ALG13: variants seen among roughly 807,000 people sequenced by gnomAD.
The protein encoded by ALG13 is UDP-N-acetylglucosamine transferase subunit ALG13.
A neutral mutation model predicts 87.8 loss-of-function variants in ALG13; 11 were observed. The observed-to-expected ratio is 0.13, with a 90% CI of 0.08 to 0.21. The LOEUF (loss-of-function observed/expected upper bound fraction) is 0.21. Among genes scored for constraint, ALG13 ranks in the 10% least tolerant of loss-of-function variants. The pLI, the probability that ALG13 is intolerant of heterozygous loss-of-function variation, is 1.00. For missense variants in ALG13, 756 were observed against 866.1 expected (o/e 0.87, Z 1.60); for synonymous variants, 320 against 306.3 (o/e 1.04, Z -0.47).
intron 25 of ALG13, among the ~76,000 whole-genome samples, chrX:111,754,244 C>G (rs996459071): frequency 9.0e-6 from 1 of 111,661 alleles, no homozygotes; most frequent in Non-Finnish European, 1.9e-5. Context: ...TAAAAACTCT[C>G]TATAAACTAG....
intron 10 of ALG13, among the ~76,000 whole-genome samples, chrX:111,719,602 T>A (rs1941150376): frequency 8.9e-6 from 1 of 112,427 alleles, no homozygotes; most frequent in Non-Finnish European, 1.9e-5. Flanking sequence ...CATAAGACTG[T>A]AATGAGGATG....
chrX:111,759,414 C>A (rs1945557695), intron 26 of ALG13, among the ~76,000 whole-genome samples: 1 of 111,201 alleles, frequency 9.0e-6, no homozygotes, highest in Non-Finnish European at 1.9e-5. Flanking sequence ...TTGTGACCAC[C>A]TCTTACAAGA....
At chrX:111,724,869 C>G in intron 14 of ALG13, 65 bp from the exon 15 acceptor site, 1 of 1,104,454 alleles carries the variant, frequency 9.1e-7, no homozygotes, top group Non-Finnish European at 1.2e-6. Flanking sequence ...GGGTGGGATA[C>G]GTGTATTGAA....
Position 111,724,951 on chromosome X carries a change from C to T in ALG13, c.1619C>T (p.Ala540Val), listed in dbSNP as rs1234385710. 3 of 1,210,093 alleles carry T rather than the reference C, an allele frequency of 2.5e-6. No homozygotes were observed. In the Admixed American group the frequency reaches 6.5e-5, roughly 26 times the overall value. Residue 540 changes from alanine to valine, a missense_variant, in exon 15 of 27, where the codon GCT becomes GTT. Physicochemically the swap from Ala to Val is moderately conservative, Grantham distance 64. This residue lies in a region of ALG13 where 362 missense variants were observed against 383.5 expected (regional missense o/e 0.94). Coordinates refer to ENST00000394780, the MANE Select transcript of ALG13 (RefSeq NM_001099922.3). ...ELAEKHVVPL[A>V]NLKPVTQVMS... ...CTTTTAAGGCATGTTGTTCCACTGG[C>T]TAACTTAAAACCAGTTACCCAAGTG...
intron 3 of ALG13, among the ~76,000 whole-genome samples, chrX:111,694,130 G>A (rs924008587): frequency 3.6e-5 from 4 of 110,135 alleles, no homozygotes; most frequent in South Asian, 3.9e-4. Flanking sequence ...TGCAAGCTCC[G>A]CCTCTCGGGT....
At chrX:111,731,147 G>T (rs1313259093) in intron 21 of ALG13, among the ~76,000 whole-genome samples, 1 of 112,062 alleles carries the variant, frequency 8.9e-6, no homozygotes, top group Non-Finnish European at 1.9e-5. Context: ...CTCATAGGCA[G>T]AATACTTGTT....
At chrX:111,730,605 G>A (rs749645420) in intron 21 of ALG13, 25 bp downstream of exon 21, 15 of 1,107,699 alleles carry the variant, frequency 1.4e-5, no homozygotes, top group Non-Finnish European at 1.8e-5. Context: ...ATAGCAAAGA[G>A]TTATAGCTCC....
At chrX:111,726,483 C>T (rs899719278) in intron 15 of ALG13, among the ~76,000 whole-genome samples, 4 of 109,898 alleles carry the variant, frequency 3.6e-5, no homozygotes, top group African/African-American at 1.0e-4. Flanking sequence ...CCACCCACCT[C>T]GGCCTTCCAA....
At chrX:111,697,147 C>G (rs1000823031) in intron 3 of ALG13, among the ~76,000 whole-genome samples, 3 of 111,107 alleles carry the variant, frequency 2.7e-5, no homozygotes, top group African/African-American at 9.8e-5. Flanking sequence ...ACAAAAATTT[C>G]TAGAGCAGTG....
At chrX:111,704,964 TG>T (rs1230897721) in intron 3 of ALG13, among the ~76,000 whole-genome samples, 4 of 112,200 alleles carry the variant, frequency 3.6e-5, no homozygotes. Flanking sequence ...AGATTCTTTG[TG>T]CTTATTTGTA....
chrX:111,738,231 G>A (rs985644282), intron 23 of ALG13, among the ~76,000 whole-genome samples: 4 of 112,478 alleles, frequency 3.6e-5, no homozygotes, highest in African/African-American at 1.3e-4. Flanking sequence ...GGTCATTTTA[G>A]TAATGGAGAC....
Position 111,744,719 on chromosome X carries a change from C to T in ALG13, c.2747C>T (p.Ala916Val). 8.6e-7 allele frequency: 1 copy of T among 1,166,823 alleles called. No homozygotes were observed. Among genetic ancestry groups the T allele is most frequent in the Non-Finnish European group, 1.1e-6 (1 of 876,093 alleles). Residue 916 changes from alanine to valine, a missense_variant, in exon 24 of 27, where the codon GCC becomes GTC. Coordinates refer to ENST00000394780, the MANE Select transcript of ALG13 (RefSeq NM_001099922.3). The stretch of plus-strand genomic sequence containing the variant: ...CATTCTGCTATTCCTCATGCTGGTG[C>T]CTCTCTACCACCACCACCACCACCA... ...PCHSAIPHAGASLPPPPPPPP... is the reference protein window; with the variant it reads ...PCHSAIPHAGVSLPPPPPPPP...
In ALG13 at chrX:111,681,746, A is replaced by C. The variant is rs1933356124; in HGVS notation, c.82-386A>C. On this transcript the variant is annotated intron_variant, in intron 1 of 26. Transcript: ENST00000394780. ...CCTCAGAGCCCGGCTCCTTCCCCTC[A>C]GCACTTGGCCGGAGCCCGCGCGGTT... 8.5e-6 allele frequency: 7 copies of C among 823,779 alleles called. No individual in the cohort carries two copies. In the South Asian group the frequency reaches 3.8e-4, roughly 45 times the overall value. The allele number at this position is 823,779 out of a possible 1,213,427, so 67.9% of individuals were successfully genotyped here.
chrX:111,724,772 C>T (rs781053425), intron 14 of ALG13, among the ~76,000 whole-genome samples, 162 bp from the exon 15 acceptor site: 1 of 112,501 alleles, frequency 8.9e-6, no homozygotes, highest in South Asian at 3.7e-4. Flanking sequence ...ATTGTACAAA[C>T]TACTCTTAAG....
intron 5 of ALG13, among the ~76,000 whole-genome samples, chrX:111,709,870 C>T (rs999660205): frequency 9.0e-6 from 1 of 111,024 alleles, no homozygotes; most frequent in African/African-American, 3.3e-5. Context: ...GTAGTCTTCT[C>T]TACACCTGGG....
At chrX:111,714,381 A>G (rs939939950) in intron 8 of ALG13, 1 of 109,961 alleles carries the variant, frequency 9.1e-6, no homozygotes, top group African/African-American at 3.3e-5. Context: ...AGAAAGCTTC[A>G]TGGTGGTAGT....
chrX:111,736,613 A>C, intron 22 of ALG13, 101 bp from the exon 23 acceptor site: 1 of 775,798 alleles, frequency 1.3e-6, no homozygotes, highest in Non-Finnish European at 1.8e-6. Context: ...TCAGTGTTTT[A>C]GTTTTCTAAA....
At chrX:111,697,230 A>G (rs1569513658) in intron 3 of ALG13, among the ~76,000 whole-genome samples, 1 of 111,734 alleles carries the variant, frequency 8.9e-6, no homozygotes, top group East Asian at 2.8e-4. Context: ...TAGGTCAAAA[A>G]TGTGAAGCAT....
At chrX:111,697,372 G>C (rs1213084222) in intron 3 of ALG13, among the ~76,000 whole-genome samples, 1 of 111,588 alleles carries the variant, frequency 9.0e-6, no homozygotes, top group African/African-American at 3.3e-5. Context: ...TGTTGTTCTA[G>C]AGCAGTGGTT....
Sources: gnomAD v4.1 joint callset for allele counts (sites outside exome capture counted in the v4.1 genomes callset) on GRCh38, gnomAD v4.1.1 for gene constraint, gnomAD v4.1.1 regional missense constraint, MANE v1.5 for transcripts, NCBI Gene and HGNC (gene_info 2026-07-23, HGNC 2026-07-21) for gene names.